CADM2: variants seen among roughly 807,000 people sequenced by gnomAD.
CADM2 encodes cell adhesion molecule 2, also known as immunoglobulin superfamily member 4D.
A neutral mutation model predicts 49.8 loss-of-function variants in CADM2; 12 were observed. That is an observed-to-expected ratio of 0.24 (90% CI 0.15 to 0.39). The LOEUF is 0.39. CADM2 is among the 10% of genes least tolerant of loss of function. The pLI is 1.00. For missense variants in CADM2, 378 were observed against 492.3 expected (o/e 0.77, Z 2.20); for synonymous variants, 214 against 175.4 (o/e 1.22, Z -1.74).
intron 1 of CADM2, among the ~76,000 whole-genome samples, chr3:85,019,918 C>T (rs2034422422): frequency 6.6e-6 from 1 of 152,166 alleles, no homozygotes; most frequent in Non-Finnish European, 1.5e-5. Flanking sequence ...GCTACGAGTG[C>T]CAGGCTCTTT....
intron 1 of CADM2, among the ~76,000 whole-genome samples, chr3:85,518,381 C>T (rs190137132): frequency 1.3e-5 from 2 of 151,432 alleles, no homozygotes; most frequent in East Asian, 3.9e-4. Flanking sequence ...GCATCTTTAA[C>T]ATTCATATTC....
intron 1 of CADM2, among the ~76,000 whole-genome samples, chr3:84,980,328 A>G (rs2032093752): frequency 6.6e-6 from 1 of 152,130 alleles, no homozygotes; most frequent in South Asian, 2.1e-4. Context: ...GAACAGAATT[A>G]AAAAATGTGA....
intron 1 of CADM2, among the ~76,000 whole-genome samples, chr3:85,531,224 T>C (rs1274137010): frequency 2.0e-5 from 3 of 152,098 alleles, no homozygotes; most frequent in African/African-American, 7.3e-5. Context: ...CACAAGTTCC[T>C]AGCTAAATTT....
intron 3 of CADM2, among the ~76,000 whole-genome samples, chr3:85,834,299 G>C (rs1317141023): frequency 6.6e-6 from 1 of 151,516 alleles, no homozygotes; most frequent in Non-Finnish European, 1.5e-5. Context: ...GAAAATGCAA[G>C]CCAAACACAA....
intron 1 of CADM2, among the ~76,000 whole-genome samples, chr3:85,077,396 T>A (rs2200462): frequency 1.6e-3 from 239 of 152,242 alleles, no homozygotes; most frequent in African/African-American, 5.3e-3. Flanking sequence ...CAATATTGTA[T>A]CCAGATATCT....
intron 1 of CADM2, among the ~76,000 whole-genome samples, chr3:85,577,709 C>A (rs1332638339): frequency 6.6e-6 from 1 of 152,062 alleles, no homozygotes; most frequent in Non-Finnish European, 1.5e-5. Flanking sequence ...AAATTAAAAA[C>A]ATTTTAAATG....
At chr3:85,052,995 A>G (rs1576121579) in intron 1 of CADM2, among the ~76,000 whole-genome samples, 1 of 152,002 alleles carries the variant, frequency 6.6e-6, no homozygotes, top group East Asian at 1.9e-4. Context: ...TTTGGTTAAT[A>G]TGAAGAGACC....
intron 1 of CADM2, among the ~76,000 whole-genome samples, chr3:85,567,211 T>C (rs796331640): frequency 8.8e-5 from 13 of 147,700 alleles, no homozygotes; most frequent in African/African-American, 3.2e-4. Context: ...AATATATTCT[T>C]GTTGTGTGCA....
chr3:86,049,795 G>A (rs1467436648), intron 8 of CADM2, among the ~76,000 whole-genome samples: 1 of 152,100 alleles, frequency 6.6e-6, no homozygotes, highest in African/African-American at 2.4e-5. Context: ...CAGCACCAAC[G>A]GGGCGGTGCC....
chr3:86,061,063 A>AATT (rs144829183), intron 8 of CADM2, among the ~76,000 whole-genome samples: 5,451 of 151,952 alleles, frequency 0.036, 319 homozygotes, highest in African/African-American at 0.12. Context: ...AATGATTAAA[A>AATT]ATTTTGTTTA....
At chr3:85,142,306 C>A (rs147074825) in intron 1 of CADM2, among the ~76,000 whole-genome samples, 2 of 152,244 alleles carry the variant, frequency 1.3e-5, no homozygotes, top group African/African-American at 4.8e-5. Flanking sequence ...GTTTTCTAAT[C>A]AAATTAATAT....
intron 2 of CADM2, among the ~76,000 whole-genome samples, chr3:85,727,329 G>A (rs557579587): frequency 4.6e-5 from 7 of 152,060 alleles, no homozygotes; most frequent in Middle Eastern, 3.4e-3. Flanking sequence ...TATGACATAC[G>A]CTCATCTTTG....
intron 1 of CADM2, among the ~76,000 whole-genome samples, chr3:85,247,394 CTG>C (rs1336829990): frequency 1.3e-5 from 2 of 152,156 alleles, no homozygotes; most frequent in East Asian, 3.9e-4. Flanking sequence ...AGCAGCATAA[CTG>C]TTGTTTTAAG....
intron 2 of CADM2, among the ~76,000 whole-genome samples, chr3:85,798,847 T>C (rs2071800724): frequency 1.3e-5 from 2 of 152,206 alleles, no homozygotes; most frequent in African/African-American, 2.4e-5. Flanking sequence ...ATTGAATCTA[T>C]AAATTACTTT....
At chr3:86,033,928 G>C (rs577234018) in intron 8 of CADM2, among the ~76,000 whole-genome samples, 3 of 150,876 alleles carry the variant, frequency 2.0e-5, no homozygotes, top group South Asian at 2.1e-4. Flanking sequence ...TTGAAGATAA[G>C]CACAAAATTT....
chr3:85,241,540 C>T (rs1266711873), intron 1 of CADM2, among the ~76,000 whole-genome samples: 1 of 151,180 alleles, frequency 6.6e-6, no homozygotes, highest in Non-Finnish European at 1.5e-5. Flanking sequence ...CATTTAAATG[C>T]TGTTTATTGT....
At chr3:85,048,794 A>G (rs549222843) in intron 1 of CADM2, among the ~76,000 whole-genome samples, 1 of 152,290 alleles carries the variant, frequency 6.6e-6, no homozygotes, top group Non-Finnish European at 1.5e-5. Flanking sequence ...AAACATAAAA[A>G]GATATACCAA....
chr3:85,398,438 T>C (rs1398117055), intron 1 of CADM2, among the ~76,000 whole-genome samples: 5 of 152,148 alleles, frequency 3.3e-5, no homozygotes, highest in African/African-American at 7.2e-5. Flanking sequence ...CAAGTCTTTG[T>C]TATTGTGAAT....
chr3:85,447,899 T>C (rs966158121), intron 1 of CADM2, among the ~76,000 whole-genome samples: 1 of 152,172 alleles, frequency 6.6e-6, no homozygotes, highest in African/African-American at 2.4e-5. Flanking sequence ...TGATTCTTAT[T>C]TGTCTTTGGC....
Sources: gnomAD v4.1 joint callset for allele counts (sites outside exome capture counted in the v4.1 genomes callset) on GRCh38, gnomAD v4.1.1 for gene constraint, MANE v1.5 for transcripts, NCBI Gene and HGNC (gene_info 2026-07-23, HGNC 2026-07-21) for gene names.